Variants in CRPPA observed in about 807,000 individuals in gnomAD.
CRPPA encodes CDP-L-ribitol pyrophosphorylase A.
CRPPA carries 43 observed loss-of-function variants against 52.0 expected under a neutral mutation model. The observed-to-expected ratio is 0.83, with a 90% CI of 0.65 to 1.07. The LOEUF (loss-of-function observed/expected upper bound fraction) is 1.07. CRPPA is among the 50% of genes least tolerant of loss of function. The pLI is 0.00. For missense variants in CRPPA, 629 were observed against 551.7 expected (o/e 1.14, Z -1.40); for synonymous variants, 250 against 203.5 (o/e 1.23, Z -1.94).
intron 9 of CRPPA, among the ~76,000 whole-genome samples, chr7:16,162,236 TCTTG>T (rs1171162458): frequency 6.6e-6 from 1 of 152,236 alleles, no homozygotes; most frequent in Non-Finnish European, 1.5e-5. Flanking sequence ...ATTTGTTTGC[TCTTG>T]CTTCTCTAGT....
Position 16,090,194 on chromosome 7 carries a change from C to G in CRPPA, c.*1501G>C, listed in dbSNP as rs1255346906. 1 of 152,050 alleles carries G rather than the reference C, an allele frequency of 6.6e-6. No individual in the cohort carries two copies. Among genetic ancestry groups the G allele is most frequent in the Non-Finnish European group, 1.5e-5 (1 of 68,020 alleles). The allele number at this position is 152,050 out of a possible 1,614,324, so 9.4% of individuals were successfully genotyped here. On this transcript the variant is annotated 3_prime_UTR_variant, in exon 10 of 10. Transcript: ENST00000407010. ...AAGGGCAGGCCCAGGAATTTAGATA[C>G]AAGCCTACATTCAAATAACACATTT...
intron 9 of CRPPA, among the ~76,000 whole-genome samples, chr7:16,117,377 G>A (rs922916601): frequency 1.3e-5 from 2 of 152,122 alleles, no homozygotes; most frequent in Non-Finnish European, 2.9e-5. Flanking sequence ...CTGGGTAGAC[G>A]AGCCTTCCTT....
chr7:16,186,969 A>T (rs1180804600), intron 9 of CRPPA, among the ~76,000 whole-genome samples: 1 of 152,170 alleles, frequency 6.6e-6, no homozygotes, highest in African/African-American at 2.4e-5. Flanking sequence ...TTAGGCATAT[A>T]ATTTTAATCT....
chr7:16,301,671 T>C (rs1014800208), intron 4 of CRPPA, among the ~76,000 whole-genome samples: 2 of 152,210 alleles, frequency 1.3e-5, no homozygotes, highest in African/African-American at 4.8e-5. Context: ...AATCTTTGAA[T>C]AAATTAAGAT....
chr7:16,205,307 T>C (rs1032755180), intron 9 of CRPPA, among the ~76,000 whole-genome samples: 5 of 152,204 alleles, frequency 3.3e-5, no homozygotes, highest in African/African-American at 1.2e-4. Flanking sequence ...AGAAAATCCA[T>C]GTTCTCATGA....
intron 8 of CRPPA, among the ~76,000 whole-genome samples, chr7:16,217,293 A>G (rs1022943807): frequency 5.9e-5 from 9 of 151,816 alleles, no homozygotes; most frequent in Non-Finnish European, 1.0e-4. Flanking sequence ...CCATCTGTAC[A>G]TCACCATCAT....
Position 16,289,067 on chromosome 7 carries a change from T to C in CRPPA, c.836-10841A>G, listed in dbSNP as rs571907100. Among the ~76,000 whole-genome samples, 3 of 152,114 alleles carry C rather than the reference T, an allele frequency of 2.0e-5. No homozygotes were observed. In the East Asian group the frequency reaches 5.8e-4, roughly 29 times the overall value. On this transcript the variant is annotated intron_variant, in intron 5 of 9. Transcript: ENST00000407010. ...AAATACAGAGGATGATGAGAAATTATTATGAACAACTATATGCTGATAAAT... is the reference window on the plus strand; with the variant it reads ...AAATACAGAGGATGATGAGAAATTACTATGAACAACTATATGCTGATAAAT...
At chr7:16,173,077 G>T (rs922180424) in intron 9 of CRPPA, among the ~76,000 whole-genome samples, 2 of 152,110 alleles carry the variant, frequency 1.3e-5, no homozygotes, top group South Asian at 4.1e-4. Context: ...TTAATGACCT[G>T]CTCCAGTGAT....
intron 2 of CRPPA, among the ~76,000 whole-genome samples, chr7:16,384,615 G>A (rs1277308351): frequency 6.6e-6 from 1 of 152,224 alleles, no homozygotes; most frequent in African/African-American, 2.4e-5. Context: ...GACAGTCAAA[G>A]AGAGCCCCAC....
rs57024916 is a variant in CRPPA at position 16,387,044 on chromosome 7, GATATATATATATATATAT to G, written c.535-10821_535-10804del. On this transcript the variant is annotated intron_variant, in intron 2 of 9. Transcript: ENST00000407010. ...TATTTTTAATTTAAAATAAAAAAAAGATATATATATATATATATATATATATATATATATATATATATA... is the reference window on the plus strand; with the variant it reads ...TATTTTTAATTTAAAATAAAAAAAAGATATATATATATATATATATATATA... Among the ~76,000 whole-genome samples, 113 of 96,020 alleles carry G rather than the reference GATATATATATATATATAT, an allele frequency of 1.2e-3. 1 individual carries two copies. Among genetic ancestry groups the G allele is most frequent in the Non-Finnish European group, 1.2e-3 (60 of 51,938 alleles). 63.0% of individuals were successfully genotyped at this position (96,020 alleles called of 152,430 possible).
At chr7:16,157,568 A>G (rs182869378) in intron 9 of CRPPA, among the ~76,000 whole-genome samples, 54 of 152,242 alleles carry the variant, frequency 3.5e-4, no homozygotes, top group African/African-American at 1.2e-3. Flanking sequence ...TTTTTTTAAT[A>G]ATGATATGCC....
intron 3 of CRPPA, among the ~76,000 whole-genome samples, chr7:16,337,970 G>A (rs997577541): frequency 6.6e-6 from 1 of 152,060 alleles, no homozygotes; most frequent in African/African-American, 2.4e-5. Context: ...ACCCCAAACA[G>A]AGGGGATATT....
In CRPPA at chr7:16,095,833, G is replaced by C. The variant is rs1353338561; in HGVS notation, c.1252-4034C>G. Among the ~76,000 whole-genome samples the C allele has an allele frequency of 2.0e-5, 3 of 152,196 alleles. No individual in the cohort carries two copies. In the East Asian group the frequency reaches 5.8e-4, roughly 29 times the overall value. On this transcript the variant is annotated intron_variant, in intron 9 of 9. Transcript: ENST00000407010. ...AATTGCTGAGAACTCCTAAAAATCT[G>C]CTAAAAATTCCTTCAGTCCTTGGCC...
At chr7:16,325,490 A>G (rs767592820) in intron 3 of CRPPA, among the ~76,000 whole-genome samples, 5 of 152,158 alleles carry the variant, frequency 3.3e-5, no homozygotes, top group Non-Finnish European at 7.4e-5. Flanking sequence ...GGAAGATTCC[A>G]TGGATATTGG....
intron 2 of CRPPA, among the ~76,000 whole-genome samples, chr7:16,382,225 C>G (rs907615732): frequency 1.4e-4 from 22 of 152,150 alleles, no homozygotes; most frequent in African/African-American, 4.6e-4. Flanking sequence ...TGTCTGTAAA[C>G]TATTTTATTT....
chr7:16,402,109 C>G (rs1787830929), intron 2 of CRPPA, among the ~76,000 whole-genome samples: 2 of 152,060 alleles, frequency 1.3e-5, no homozygotes, highest in Admixed American at 6.6e-5. Context: ...AAGGGAAAGT[C>G]CCTCATTTAA....
At chr7:16,380,827 A>G (rs996969381) in intron 2 of CRPPA, among the ~76,000 whole-genome samples, 9 of 152,134 alleles carry the variant, frequency 5.9e-5, no homozygotes, top group African/African-American at 1.2e-4. Flanking sequence ...CTGTGGGATC[A>G]GTGGTGATAT....
intron 8 of CRPPA, among the ~76,000 whole-genome samples, chr7:16,217,144 A>G (rs1583438281): frequency 6.8e-6 from 1 of 146,954 alleles, no homozygotes. Context: ...CTGACCCCCG[A>G]GCAGCCTAAC....
At chr7:16,101,279 G>C (rs1242610881) in intron 9 of CRPPA, among the ~76,000 whole-genome samples, 1 of 152,052 alleles carries the variant, frequency 6.6e-6, no homozygotes, top group African/African-American at 2.4e-5. Context: ...AATCTGTCTG[G>C]TCCTGGGCTT....
Sources: allele counts gnomAD v4.1 joint callset (sites outside exome capture counted in the v4.1 genomes callset), GRCh38; gene constraint gnomAD v4.1.1; transcripts MANE v1.5; gene names NCBI Gene and HGNC (gene_info 2026-07-23, HGNC 2026-07-21).